The following THSD4 variants were observed in gnomAD, a reference collection of about 807,000 sequenced individuals.
THSD4 encodes thrombospondin type-1 domain-containing protein 4.
In THSD4, 69 loss-of-function variants were observed where a neutral mutation model predicts 119.0. The ratio of observed to expected loss-of-function variants is 0.58; its 90% CI spans 0.48 to 0.71. The LOEUF (loss-of-function observed/expected upper bound fraction) is 0.71, where lower values mean the gene tolerates loss of function less well. Ranked by LOEUF, THSD4 falls within the 30% of genes least tolerant of loss-of-function variation. The pLI, the probability that THSD4 is intolerant of heterozygous loss-of-function variation, is 0.00. For missense variants in THSD4, 1,393 were observed against 1,391.1 expected (o/e 1.00, Z -0.02); for synonymous variants, 524 against 540.4 (o/e 0.97, Z 0.42).
intron 8 of THSD4, among the ~76,000 whole-genome samples, chr15:71,704,253 T>A (rs2052351991): frequency 6.6e-6 from 1 of 152,220 alleles, no homozygotes; most frequent in South Asian, 2.1e-4. Context: ...AGTGACAAGA[T>A]AGCACATTAC....
In THSD4 at chr15:71,771,112, C is replaced by T. The variant is rs2053814967; in HGVS notation, c.2818C>T (p.Leu940=). The part of the protein sequence containing the change: ...GGFRVREVRC[L]SDDMTLSNLC... ...CTTTCGGGTCCGGGAAGTGCGGTGT[C>T]TGTCTGATGACATGACTCTAAGTAA... The change falls in exon 17 of 18, where the codon CTG becomes TTG. Residue 940 remains leucine (L), a synonymous_variant. Coordinates refer to ENST00000261862, the MANE Select transcript of THSD4 (RefSeq NM_024817.3). 1 of 1,614,202 alleles carries T rather than the reference C, an allele frequency of 6.2e-7. No individual in the cohort carries two copies. The highest frequency in any genetic ancestry group is 1.3e-5 in the African/African-American group (1 of 75,040).
At chr15:71,708,050 C>T (rs1444127646) in intron 8 of THSD4, among the ~76,000 whole-genome samples, 2 of 152,134 alleles carry the variant, frequency 1.3e-5, no homozygotes, top group South Asian at 2.1e-4. Context: ...AGTTCCCTTC[C>T]ATCTGTACTG....
intron 7 of THSD4, among the ~76,000 whole-genome samples, chr15:71,621,678 A>G (rs905283378): frequency 6.6e-6 from 1 of 152,230 alleles, no homozygotes. Flanking sequence ...GGTGAAAATA[A>G]TTTCATATTC....
chr15:71,316,255 C>G (rs1325690240), intron 6 of THSD4, among the ~76,000 whole-genome samples: 1 of 152,204 alleles, frequency 6.6e-6, no homozygotes, highest in Non-Finnish European at 1.5e-5. Context: ...AACAGCCCCT[C>G]CTTTATATAA....
chr15:71,519,420 G>A (rs1189354380), intron 7 of THSD4, among the ~76,000 whole-genome samples: 1 of 152,176 alleles, frequency 6.6e-6, no homozygotes, highest in Non-Finnish European at 1.5e-5. Flanking sequence ...GGAGTGCAGT[G>A]GTGTGATCTC....
At chr15:71,257,690 C>G (rs2044335968) in intron 6 of THSD4, among the ~76,000 whole-genome samples, 1 of 152,070 alleles carries the variant, frequency 6.6e-6, no homozygotes, top group Non-Finnish European at 1.5e-5. Flanking sequence ...CTTAGAGGCC[C>G]TTGGGGAGGA....
chr15:71,737,024 T>C (rs2053127362), intron 10 of THSD4, among the ~76,000 whole-genome samples: 1 of 152,270 alleles, frequency 6.6e-6, no homozygotes, highest in Non-Finnish European at 1.5e-5. Flanking sequence ...CGGAACGTTA[T>C]ATTTGCTGCA....
intron 7 of THSD4, among the ~76,000 whole-genome samples, chr15:71,539,737 A>G (rs920301870): frequency 7.9e-5 from 12 of 152,206 alleles, no homozygotes; most frequent in Non-Finnish European, 1.6e-4. Flanking sequence ...GAACCATTAG[A>G]AGACCTCCCG....
intron 7 of THSD4, among the ~76,000 whole-genome samples, chr15:71,442,062 G>A (rs2047103178): frequency 6.6e-6 from 1 of 152,028 alleles, no homozygotes; most frequent in Non-Finnish European, 1.5e-5. Flanking sequence ...GGGTTCAAGC[G>A]ATCCCCCTGC....
intron 7 of THSD4, among the ~76,000 whole-genome samples, chr15:71,487,338 T>A (rs2047838415): frequency 6.6e-6 from 1 of 152,254 alleles, no homozygotes; most frequent in South Asian, 2.1e-4. Flanking sequence ...CCTTAAGCAC[T>A]GGAATGAATG....
intron 6 of THSD4, among the ~76,000 whole-genome samples, chr15:71,315,047 C>A (rs1471844758): frequency 6.6e-6 from 1 of 152,148 alleles, no homozygotes; most frequent in Non-Finnish European, 1.5e-5. Context: ...TGCCCCCACT[C>A]CCCCAGGATG....
chr15:71,465,743 C>T (rs1171504029), intron 7 of THSD4, among the ~76,000 whole-genome samples: 1 of 152,210 alleles, frequency 6.6e-6, no homozygotes, highest in Non-Finnish European at 1.5e-5. Context: ...CTTTGTTGCT[C>T]TCTCATTTGT....
chr15:71,299,970 AAAAAAAATAT>A (rs74926166), intron 6 of THSD4, among the ~76,000 whole-genome samples: 9 of 76,038 alleles, frequency 1.2e-4, no homozygotes, highest in Admixed American at 3.0e-4. Context: ...CAAAAAAAAA[AAAAAAAATAT>A]ATATATATAT....
At chr15:71,728,520 C>T in intron 8 of THSD4, 29 bp from the exon 9 acceptor site, 1 of 1,610,954 alleles carries the variant, frequency 6.2e-7, no homozygotes, top group Non-Finnish European at 8.5e-7. Flanking sequence ...CTGGGCTTAC[C>T]CAAAGAACTG....
intron 7 of THSD4, among the ~76,000 whole-genome samples, chr15:71,569,916 C>A (rs1319245164): frequency 3.3e-5 from 5 of 152,148 alleles, no homozygotes; most frequent in Non-Finnish European, 4.4e-5. Flanking sequence ...ATCACTTGAA[C>A]CCAGGAGGCA....
chr15:71,707,214 G>A (rs370731736), intron 8 of THSD4, among the ~76,000 whole-genome samples: 122 of 152,240 alleles, frequency 8.0e-4, no homozygotes, highest in African/African-American at 2.5e-3. Context: ...GGTCAAAAAG[G>A]CATCAAGGAT....
At chr15:71,477,399 G>A (rs1016580307) in intron 7 of THSD4, among the ~76,000 whole-genome samples, 13 of 152,156 alleles carry the variant, frequency 8.5e-5, no homozygotes, top group African/African-American at 3.1e-4. Context: ...GTGCTGCCCC[G>A]CAGGCCCTGG....
intron 6 of THSD4, among the ~76,000 whole-genome samples, chr15:71,299,573 G>A (rs12916715): frequency 3.9e-5 from 6 of 152,076 alleles, no homozygotes; most frequent in Non-Finnish European, 1.5e-5. Flanking sequence ...AGAGGGAGCT[G>A]TTAGTCAAAG....
chr15:71,436,757 A>G (rs149366574), intron 7 of THSD4, among the ~76,000 whole-genome samples: 5 of 152,210 alleles, frequency 3.3e-5, no homozygotes, highest in Admixed American at 1.3e-4. Flanking sequence ...CAGCAACCCA[A>G]TGGAAATGTT....
Sources: allele counts gnomAD v4.1 joint callset (sites outside exome capture counted in the v4.1 genomes callset), GRCh38; gene constraint gnomAD v4.1.1; transcripts MANE v1.5; gene names NCBI Gene and HGNC (gene_info 2026-07-23, HGNC 2026-07-21).